Variants in CRTAC1 observed in about 807,000 individuals in gnomAD.
The protein encoded by CRTAC1 is acidic secreted protein in cartilage.
In CRTAC1, 37 loss-of-function variants were observed where a neutral mutation model predicts 67.8. That is an observed-to-expected ratio of 0.55 (90% CI 0.42 to 0.72). The LOEUF (loss-of-function observed/expected upper bound fraction) is 0.72, where lower values mean the gene tolerates loss of function less well. CRTAC1 is among the 30% of genes least tolerant of loss of function. CRTAC1 has a pLI of 0.00. For missense variants in CRTAC1, 780 were observed against 931.6 expected (o/e 0.84, Z 2.12); for synonymous variants, 348 against 371.0 (o/e 0.94, Z 0.71).
In CRTAC1 at chr10:97,988,922, A is replaced by T. The variant is rs774885085; in HGVS notation, c.224+22216T>A. Among the ~76,000 whole-genome samples, 63 of 152,166 alleles carry T rather than the reference A, an allele frequency of 4.1e-4. 1 individual carries two copies. The highest frequency in any genetic ancestry group is 2.5e-4 in the Non-Finnish European group (17 of 68,026). On this transcript the variant is annotated intron_variant, in intron 2 of 14. Coordinates refer to ENST00000370597, the MANE Select transcript of CRTAC1 (RefSeq NM_018058.7). ...TTCTGTGAAGGTATTTCCAGAGGAG[A>T]TCAGCATTTGAATCTGTGGACTCAG...
chr10:97,880,730 T>C (rs1267724684), intron 13 of CRTAC1, among the ~76,000 whole-genome samples: 13 of 152,316 alleles, frequency 8.5e-5, no homozygotes, highest in Admixed American at 6.5e-4. Context: ...CATGACCTAC[T>C]TGACAGCTCC....
chr10:98,012,770 AG>A (rs1360028862), intron 1 of CRTAC1, among the ~76,000 whole-genome samples: 4 of 152,178 alleles, frequency 2.6e-5, no homozygotes, highest in African/African-American at 7.2e-5. Context: ...GGAGTGACAC[AG>A]GGGCAAGGCT....
At chr10:98,001,711 A>G (rs1842692184) in intron 2 of CRTAC1, among the ~76,000 whole-genome samples, 1 of 152,186 alleles carries the variant, frequency 6.6e-6, no homozygotes, top group Non-Finnish European at 1.5e-5. Context: ...ACTAGGGGAG[A>G]GCATGGTACA....
rs542421679 is a variant in CRTAC1, at chr10:98,020,221, A to G, written c.25-8884T>C. On this transcript the variant is annotated intron_variant, in intron 1 of 14. Coordinates refer to ENST00000370597, the MANE Select transcript of CRTAC1 (RefSeq NM_018058.7). ...GTGGGTCGTGTGGATCTTCATATGGACTCTGGACACCAGACACACAGAGAG... is the reference window on the plus strand; with the variant it reads ...GTGGGTCGTGTGGATCTTCATATGGGCTCTGGACACCAGACACACAGAGAG... Among the ~76,000 whole-genome samples the G allele has an allele frequency of 8.6e-5, 13 of 151,920 alleles. No individual in the cohort carries two copies. In the East Asian group the frequency reaches 2.5e-3, roughly 29 times the overall value.
chr10:97,982,021 C>T (rs1362744054), intron 2 of CRTAC1, among the ~76,000 whole-genome samples: 1 of 152,204 alleles, frequency 6.6e-6, no homozygotes. Flanking sequence ...CTGTCCCTTC[C>T]AGCATCTCAC....
At chr10:97,953,921 G>A (rs1263739906) in intron 2 of CRTAC1, among the ~76,000 whole-genome samples, 1 of 152,102 alleles carries the variant, frequency 6.6e-6, no homozygotes, top group Non-Finnish European at 1.5e-5. Flanking sequence ...ATACTCCTCG[G>A]CAGGTGTGAT....
intron 14 of CRTAC1, chr10:97,871,679 TAGTA>T (rs971628264): frequency 3.9e-5 from 6 of 152,162 alleles, no homozygotes; most frequent in South Asian, 2.1e-4. Context: ...TGACAAGGGC[TAGTA>T]AGTGTCAGAG....
At chr10:97,922,808 A>G (rs771212512) in intron 4 of CRTAC1, among the ~76,000 whole-genome samples, 2 of 152,232 alleles carry the variant, frequency 1.3e-5, no homozygotes, top group Non-Finnish European at 2.9e-5. Context: ...GAACCCCTCC[A>G]TTGTGCCTTC....
At chr10:98,010,195 A>T (rs149320472) in intron 2 of CRTAC1, among the ~76,000 whole-genome samples, 3 of 152,134 alleles carry the variant, frequency 2.0e-5, no homozygotes, top group African/African-American at 7.2e-5. Context: ...GCGCGCCACC[A>T]TGCCCAGCTA....
At chr10:97,893,877 C>T (rs1257225379) in intron 11 of CRTAC1, among the ~76,000 whole-genome samples, 1 of 152,136 alleles carries the variant, frequency 6.6e-6, no homozygotes, top group African/African-American at 2.4e-5. Flanking sequence ...GCTTTTTCTC[C>T]CCTTTTCTCA....
At chr10:97,944,623 C>T (rs975486682) in intron 2 of CRTAC1, among the ~76,000 whole-genome samples, 1 of 152,162 alleles carries the variant, frequency 6.6e-6, no homozygotes, top group African/African-American at 2.4e-5. Flanking sequence ...TGTTACTCCA[C>T]TCATGAAGAC....
Position 97,976,587 on chromosome 10 carries a change from T to C in CRTAC1, c.224+34551A>G, listed in dbSNP as rs191501130. On this transcript the variant is annotated intron_variant, in intron 2 of 14. Transcript: ENST00000370597. The stretch of plus-strand genomic sequence containing the variant: ...AAAGACCTTACTACATCGCAGCAAT[T>C]TTTAGTTTTACTAAAAATGCTCATC... 2.8e-4 allele frequency among the ~76,000 whole-genome samples: 42 copies of C among 152,332 alleles called. No homozygotes were observed. The East Asian group carries it at 6.9e-3, about 25-fold the overall frequency.
At chr10:97,915,595 C>T (rs1330722943) in intron 5 of CRTAC1, among the ~76,000 whole-genome samples, 2 of 152,136 alleles carry the variant, frequency 1.3e-5, no homozygotes, top group Non-Finnish European at 2.9e-5. Context: ...AGCATGGCGG[C>T]CCTTACATTT....
At chr10:97,960,022 C>T (rs371884923) in intron 2 of CRTAC1, among the ~76,000 whole-genome samples, 24 of 152,356 alleles carry the variant, frequency 1.6e-4, no homozygotes, top group African/African-American at 4.8e-4. Context: ...CTAAAATTAC[C>T]GTCTCCCAGA....
At chr10:97,994,252 A>G (rs2136675914) in intron 2 of CRTAC1, among the ~76,000 whole-genome samples, 1 of 152,252 alleles carries the variant, frequency 6.6e-6, no homozygotes, top group African/African-American at 2.4e-5. Context: ...TCCTTCACAA[A>G]CCTAGGTTAA....
intron 13 of CRTAC1, among the ~76,000 whole-genome samples, chr10:97,881,310 C>T (rs143923379): frequency 0.013 from 2,001 of 152,336 alleles, 19 homozygotes; most frequent in Non-Finnish European, 0.019. Context: ...CTTTTCACTC[C>T]TGCCCTTCCC....
At chr10:97,988,606 A>G (rs1172939117) in intron 2 of CRTAC1, among the ~76,000 whole-genome samples, 6 of 152,134 alleles carry the variant, frequency 3.9e-5, no homozygotes, top group Non-Finnish European at 8.8e-5. Context: ...TGTAATCCCA[A>G]CTACTCGGGA....
chr10:97,941,097 C>T (rs1180567384), intron 2 of CRTAC1, among the ~76,000 whole-genome samples: 1 of 152,088 alleles, frequency 6.6e-6, no homozygotes, highest in Non-Finnish European at 1.5e-5. Flanking sequence ...TTCCTGCTAC[C>T]ATCATCGGTG....
At chr10:97,912,840 T>C (rs1028237306) in intron 5 of CRTAC1, among the ~76,000 whole-genome samples, 3 of 152,192 alleles carry the variant, frequency 2.0e-5, no homozygotes, top group East Asian at 1.9e-4. Context: ...ATCTCCAAGA[T>C]TGCTACTAGC....
Sources: allele counts gnomAD v4.1 joint callset (sites outside exome capture counted in the v4.1 genomes callset), GRCh38; gene constraint gnomAD v4.1.1; transcripts MANE v1.5; gene names NCBI Gene and HGNC (gene_info 2026-07-23, HGNC 2026-07-21).